The following CDH23 variants were observed in gnomAD, a reference collection of about 807,000 sequenced individuals.
CDH23 encodes cadherin related 23, also known as cadherin-23.
A neutral mutation model predicts 317.1 loss-of-function variants in CDH23; 189 were observed. The observed-to-expected ratio is 0.60, with a 90% CI of 0.53 to 0.67. The LOEUF (loss-of-function observed/expected upper bound fraction) is 0.67. CDH23 is among the 30% of genes least tolerant of loss of function. CDH23 has a pLI of 0.00. For missense variants in CDH23, 4,401 were observed against 4,592.4 expected (o/e 0.96, Z 1.20); for synonymous variants, 1,839 against 1,876.8 (o/e 0.98, Z 0.52).
chr10:71,759,093 A>G (rs1840224350), intron 38 of CDH23, among the ~76,000 whole-genome samples: 1 of 151,810 alleles, frequency 6.6e-6, no homozygotes, highest in Non-Finnish European at 1.5e-5. Flanking sequence ...GCTGGAGTGC[A>G]GTGGCGCGAT....
Position 71,704,973 on chromosome 10 carries a change from C to T in CDH23, c.2796C>T (p.Gly932=). 1 of 1,612,880 alleles carries T rather than the reference C, an allele frequency of 6.2e-7. No homozygotes were observed. The highest frequency in any genetic ancestry group is 8.5e-7 in the Non-Finnish European group (1 of 1,179,856). The change falls in exon 25 of 70, where the codon GGC becomes GGT. Residue 932 remains glycine, a synonymous_variant. Transcript: ENST00000224721. Reference sequence around the variant, plus strand: ...TGGTGTCCTACCGCATGCCGGTGGGCATGCCCCGCATGGACTTCCTCATCA... The same window carrying T: ...TGGTGTCCTACCGCATGCCGGTGGGTATGCCCCGCATGGACTTCCTCATCA... ...NGLVSYRMPV[G]MPRMDFLINS... is the part of the protein sequence containing the mutation.
At chr10:71,780,604 G>A (rs774164544) in intron 41 of CDH23, among the ~76,000 whole-genome samples, 4 of 152,178 alleles carry the variant, frequency 2.6e-5, no homozygotes, top group African/African-American at 7.2e-5. Context: ...GACCAGAGAG[G>A]TAATGGGGCC....
At chr10:71,730,287 G>A (rs1184783519) in intron 30 of CDH23, among the ~76,000 whole-genome samples, 182 bp from the exon 31 acceptor site, 2 of 152,122 alleles carry the variant, frequency 1.3e-5, no homozygotes, top group Non-Finnish European at 2.9e-5. Context: ...CACCTGCCAC[G>A]CGCCAGGTGC....
Position 71,577,929 on chromosome 10 carries a change from A to C in CDH23, c.769A>C (p.Ile257Leu). Residue 257 changes from isoleucine (I) to leucine (L), a missense_variant, in exon 9 of 70, where the codon ATC becomes CTC. Transcript: ENST00000224721. Reference protein sequence around the residue: ...EHSPPGTTVRIITAIDQDKGR... With the variant: ...EHSPPGTTVRLITAIDQDKGR... ...TTCTGCCCAGGGCACGACGGTGCGCATCATCACCGCCATAGACCAGGATAA... is the reference window on the plus strand; with the variant it reads ...TTCTGCCCAGGGCACGACGGTGCGCCTCATCACCGCCATAGACCAGGATAA... The C allele has an allele frequency of 6.2e-7, 1 of 1,601,396 alleles. No individual in the cohort carries two copies. The highest frequency in any genetic ancestry group is 8.5e-7 in the Non-Finnish European group (1 of 1,173,812).
intron 3 of CDH23, among the ~76,000 whole-genome samples, chr10:71,472,292 G>A (rs1851556694): frequency 6.6e-6 from 1 of 152,206 alleles, no homozygotes; most frequent in Admixed American, 6.5e-5. Flanking sequence ...CAAAGTTTGT[G>A]TCTCTTGGCT....
chr10:71,695,367 C>A, intron 21 of CDH23, 51 bp from the exon 22 acceptor site: 1 of 1,327,260 alleles, frequency 7.5e-7, no homozygotes, highest in East Asian at 2.3e-5. Context: ...AGGCCCTGCC[C>A]TGGCCCATCT....
intron 55 of CDH23, 44 bp from the exon 56 acceptor site, chr10:71,805,762 T>A: frequency 6.4e-7 from 1 of 1,563,602 alleles, no homozygotes; most frequent in Non-Finnish European, 8.7e-7. Flanking sequence ...GGAGCTGAGA[T>A]TCTTTCAGGG....
intron 6 of CDH23, among the ~76,000 whole-genome samples, chr10:71,524,108 T>C (rs1157061976): frequency 1.3e-5 from 2 of 152,244 alleles, no homozygotes; most frequent in African/African-American, 2.4e-5. Flanking sequence ...AGAGCTTCTA[T>C]AGCTTTGACC....
intron 6 of CDH23, 54 bp from the exon 7 acceptor site, chr10:71,566,688 G>A (rs1857419923): frequency 6.7e-7 from 1 of 1,486,784 alleles, no homozygotes; most frequent in East Asian, 2.3e-5. Context: ...AGCCCTGATG[G>A]CGCAGCTGCT....
chr10:71,760,306 T>TAC (rs142089504), intron 38 of CDH23, among the ~76,000 whole-genome samples: 5,567 of 86,320 alleles, frequency 0.064, 379 homozygotes, highest in Non-Finnish European at 0.1. Flanking sequence ...TATATGTATA[T>TAC]ACACACACAT....
intron 51 of CDH23, 41 bp downstream of exon 51, chr10:71,799,321 C>T: frequency 6.2e-7 from 1 of 1,613,304 alleles, no homozygotes; most frequent in Non-Finnish European, 8.5e-7. Flanking sequence ...GACCTGCGCC[C>T]ATTCCTTGGG....
At chr10:71,610,164 C>T (rs10999913) in intron 9 of CDH23, among the ~76,000 whole-genome samples, 8,678 of 152,124 alleles carry the variant, frequency 0.057, 486 homozygotes, top group East Asian at 0.29. Flanking sequence ...CCAGCATGCC[C>T]GGCTAATTTT....
intron 1 of CDH23, among the ~76,000 whole-genome samples, chr10:71,418,329 A>G (rs1270190226): frequency 6.6e-6 from 1 of 152,224 alleles, no homozygotes; most frequent in Non-Finnish European, 1.5e-5. Flanking sequence ...GCAGCAGAGC[A>G]GCTGATCATC....
intron 14 of CDH23, among the ~76,000 whole-genome samples, chr10:71,662,385 AG>A (rs985154856): frequency 8.3e-4 from 127 of 152,282 alleles, no homozygotes; most frequent in African/African-American, 3.0e-3. Context: ...GCCTCCACCC[AG>A]GTACCTCTCT....
chr10:71,536,731 A>G (rs1855723739), intron 6 of CDH23, among the ~76,000 whole-genome samples: 1 of 152,074 alleles, frequency 6.6e-6, no homozygotes. Flanking sequence ...TAAGCTGGAT[A>G]TGTGATGTGA....
chr10:71,552,346 T>G lies in CDH23; in HGVS notation c.430-14396T>G, dbSNP rs1182662967. Among the ~76,000 whole-genome samples, 8 of 152,302 alleles carry G rather than the reference T, an allele frequency of 5.3e-5. No homozygotes were observed. In the East Asian group the frequency reaches 1.5e-3, roughly 29 times the overall value. On this transcript the variant is annotated intron_variant, in intron 6 of 69. Coordinates refer to ENST00000224721, the MANE Select transcript of CDH23 (RefSeq NM_022124.6). ...GCAACAGGGGGCCAGGCCTCTGGCG[T>G]CCTGGCTTATAGTGCCCTTGACTCT...
rs745344741 is a variant in CDH23, at chr10:71,646,628, G to A, written c.1449+11G>A. On this transcript the variant is annotated intron_variant, in intron 14 of 69. Coordinates refer to ENST00000224721, the MANE Select transcript of CDH23 (RefSeq NM_022124.6). ...GTGCTGACAGTCCTGGTGAGTCCCC[G>A]CTTCACTGCAGGGCCACTGAGCTCT... 3.4e-5 allele frequency: 55 copies of A among 1,613,866 alleles called. 1 individual carries two copies. The highest frequency in any genetic ancestry group is 2.6e-4 in the South Asian group (24 of 91,080).
intron 62 of CDH23, 88 bp downstream of exon 62, chr10:71,810,657 A>G: frequency 8.6e-7 from 1 of 1,162,048 alleles, no homozygotes; most frequent in Non-Finnish European, 1.3e-6. Context: ...ACCAAAGGAG[A>G]CACAGACCAC....
In CDH23 at chr10:71,811,299, C is replaced by T. The variant is rs778118404; in HGVS notation, c.9078-16C>T. On this transcript the variant is annotated splice_polypyrimidine_tract_variant and intron_variant, in intron 62 of 69. Transcript: ENST00000224721. Reference sequence around the variant, plus strand: ...ATGGCTGAGGAGGAGAGCTGAGACCCCTGCCCCTCGCCCAGGGTGATCCAG... The same window carrying T: ...ATGGCTGAGGAGGAGAGCTGAGACCTCTGCCCCTCGCCCAGGGTGATCCAG... 11 of 1,613,578 alleles carry T rather than the reference C, an allele frequency of 6.8e-6. 1 individual carries two copies. In the South Asian group the frequency reaches 1.1e-4, roughly 16 times the overall value.
Sources: allele counts gnomAD v4.1 joint callset (sites outside exome capture counted in the v4.1 genomes callset), GRCh38; gene constraint gnomAD v4.1.1; transcripts MANE v1.5; gene names NCBI Gene and HGNC (gene_info 2026-07-23, HGNC 2026-07-21).